Variants in CACTIN observed in about 807,000 individuals in gnomAD.
CACTIN encodes the protein splicing factor Cactin.
Under a neutral mutation model 84.9 loss-of-function variants are expected in CACTIN, and 20 were observed. The ratio of observed to expected loss-of-function variants is 0.24; its 90% CI spans 0.17 to 0.34. The LOEUF (loss-of-function observed/expected upper bound fraction) is 0.34. Ranked by LOEUF, CACTIN falls within the 10% of genes least tolerant of loss-of-function variation. The pLI is 1.00. For synonymous variants in CACTIN, 549 were observed against 467.9 expected (o/e 1.17, Z -2.24); for missense variants, 897 against 1,117.2 (o/e 0.80, Z 2.81).
intron 2 of CACTIN, among the ~76,000 whole-genome samples, chr19:3,621,580 G>A (rs2033225529): frequency 6.6e-6 from 1 of 152,224 alleles, no homozygotes; most frequent in African/African-American, 2.4e-5. Flanking sequence ...CGCTTCCACA[G>A]GCGTCAACGA....
intron 1 of CACTIN, among the ~76,000 whole-genome samples, chr19:3,624,408 C>T (rs977552154): frequency 6.6e-6 from 1 of 152,232 alleles, no homozygotes; most frequent in Non-Finnish European, 1.5e-5. Context: ...GTAGCAATGC[C>T]GAGCACAGGG....
chr19:3,621,250 G>A (rs2145331315), intron 2 of CACTIN, among the ~76,000 whole-genome samples: 1 of 152,344 alleles, frequency 6.6e-6, no homozygotes, highest in East Asian at 1.9e-4. Context: ...AACAGTGAGT[G>A]GGGGCAGCAG....
chr19:3,626,609 T>C lies in CACTIN; in HGVS notation c.154A>G (p.Ser52Gly). 1.3e-6 allele frequency: 2 copies of C among 1,492,734 alleles called. No individual in the cohort carries two copies. Among genetic ancestry groups the C allele is most frequent in the Non-Finnish European group, 1.8e-6 (2 of 1,126,470 alleles). The allele number at this position is 1,492,734 out of a possible 1,614,324, so 92.5% of individuals were successfully genotyped here. The change falls in exon 1 of 10, where the codon AGC (serine) becomes GGC (glycine). Residue 52 changes from serine to glycine, a missense_variant. Ser to Gly is a moderately conservative substitution (Grantham distance 56). Transcript: ENST00000429344. ...DEGRRRRRRR[S>G]RERRSDSEEE... ...CAGCGACCCCACCTGCGCTCCCGGC[T>C]CCGCCGCCTCCGTCTGCGCCGTCCC... is the stretch of plus-strand genomic sequence containing the variant.
chr19:3,620,988 T>G, intron 2 of CACTIN, 186 bp from the exon 3 acceptor site: 1 of 696,302 alleles, frequency 1.4e-6, no homozygotes, highest in East Asian at 2.7e-5. Context: ...AGTGCAGACA[T>G]GGAGCCCCCA....
intron 1 of CACTIN, among the ~76,000 whole-genome samples, chr19:3,624,475 C>A (rs2033293252): frequency 6.6e-6 from 1 of 152,088 alleles, no homozygotes; most frequent in Non-Finnish European, 1.5e-5. Context: ...GACACTGAGC[C>A]AAGGTCTGGA....
chr19:3,613,768 A>C, intron 7 of CACTIN, 182 bp from the exon 8 acceptor site: 1 of 773,546 alleles, frequency 1.3e-6, no homozygotes, highest in Non-Finnish European at 2.0e-6. Flanking sequence ...GGGAGAGAGG[A>C]CGAGAGGACG....
rs1220414098 is a variant in CACTIN, at chr19:3,611,695, C to T, written c.*228G>A. 1 of 621,850 alleles carries T rather than the reference C, an allele frequency of 1.6e-6. No homozygotes were observed. The highest frequency in any genetic ancestry group is 3.0e-5 in the East Asian group (1 of 33,596). 38.5% of individuals were successfully genotyped at this position (621,850 alleles called of 1,614,324 possible). ...GCGCCCCCTCCGTTGCATCAGGACC[C>T]TAGGCCAGCCTGTCCCAGTGTCTCC... On this transcript the variant is annotated 3_prime_UTR_variant, in exon 10 of 10. Transcript: ENST00000429344.
In CACTIN at chr19:3,626,655, G is replaced by A; in HGVS notation, c.108C>T (p.Asn36=). 1 of 1,534,360 alleles carries A rather than the reference G, an allele frequency of 6.5e-7. No individual in the cohort carries two copies. Among genetic ancestry groups the A allele is most frequent in the Non-Finnish European group, 8.7e-7 (1 of 1,149,302 alleles). ...GTCCCTCGTCCTCCCGGCGCCGTCG[G>A]TTTCGCCGCCCATGGCTCCTGCTCC... ...RSRSRSHGRR[N]RRRREDEGRR... is the part of the protein sequence containing the mutation. The change falls in exon 1 of 10, where the codon AAC becomes AAT. Residue 36 remains asparagine (N), a synonymous_variant. Coordinates refer to ENST00000429344, the MANE Select transcript of CACTIN (RefSeq NM_001080543.2).
chr19:3,615,427 GCCCATGCCGAA>G lies in CACTIN; in HGVS notation c.1163-849_1163-839del, dbSNP rs2145319061. ...TCACCTCGCAACCCTGCCCCTTGCT[GCCCATGCCGAA>G]CCCCTGCCACCTCTGGGCCTTTGCA... is the stretch of plus-strand genomic sequence containing the variant. On this transcript the variant is annotated intron_variant, in intron 6 of 9. Transcript: ENST00000429344. The surrounding 1 kb of genome is among the most constrained non-coding windows in gnomAD (Gnocchi z 5.2). 1 of 153,554 alleles carries G rather than the reference GCCCATGCCGAA, an allele frequency of 6.5e-6. No individual in the cohort carries two copies. The highest frequency in any genetic ancestry group is 1.9e-4 in the East Asian group (1 of 5,200). 9.5% of individuals were successfully genotyped at this position (153,554 alleles called of 1,614,324 possible).
Position 3,615,784 on chromosome 19 carries a change from G to C in CACTIN, c.1163-1195C>G, listed in dbSNP as rs1477769079. 1 of 152,116 alleles carries C rather than the reference G, an allele frequency of 6.6e-6. No individual in the cohort carries two copies. Among genetic ancestry groups the C allele is most frequent in the Non-Finnish European group, 1.5e-5 (1 of 68,084 alleles). The allele number at this position is 152,116 out of a possible 1,614,324, so 9.4% of individuals were successfully genotyped here. A position where few individuals can be genotyped will look rare whatever the true frequency, so the allele number is the denominator to read the frequency against. ...CAAGAGGCCCACACCTACACCACAGGGGACTGGATAGAGTCTAGACGGACC... is the reference window on the plus strand; with the variant it reads ...CAAGAGGCCCACACCTACACCACAGCGGACTGGATAGAGTCTAGACGGACC... On this transcript the variant is annotated intron_variant, in intron 6 of 9. Transcript: ENST00000429344. The surrounding 1 kb of genome is among the most constrained non-coding windows in gnomAD (Gnocchi z 5.2).
Position 3,611,825 on chromosome 19 carries a change from C to A in CACTIN, c.*98G>T, listed in dbSNP as rs753873271. ...CCTGAGGTGGGACGTGAACCCGCGG[C>A]CCTGCAGCCCAGACAGCGGCCCCGG... is the stretch of plus-strand genomic sequence containing the variant. On this transcript the variant is annotated 3_prime_UTR_variant, in exon 10 of 10. Coordinates refer to ENST00000429344, the MANE Select transcript of CACTIN (RefSeq NM_001080543.2). The A allele has an allele frequency of 8.8e-6, 13 of 1,471,918 alleles. No individual in the cohort carries two copies. The East Asian group carries it at 2.7e-4, about 30-fold the overall frequency. The allele number at this position is 1,471,918 out of a possible 1,614,324, so 91.2% of individuals were successfully genotyped here.
At chr19:3,618,045 G>C (rs573925473) in intron 6 of CACTIN, among the ~76,000 whole-genome samples, 1 of 152,232 alleles carries the variant, frequency 6.6e-6, no homozygotes, top group Non-Finnish European at 1.5e-5. Context: ...AGGCCTGAGA[G>C]GGAGGGCAGG....
At chr19:3,619,419 G>A (rs1052401783) in intron 4 of CACTIN, among the ~76,000 whole-genome samples, 177 bp from the exon 5 acceptor site, 1 of 152,204 alleles carries the variant, frequency 6.6e-6, no homozygotes, top group African/African-American at 2.4e-5. Flanking sequence ...AGTGAGCCGG[G>A]TCAGCCAAAG....
chr19:3,624,701 C>T (rs891038443), intron 1 of CACTIN, among the ~76,000 whole-genome samples: 4 of 151,932 alleles, frequency 2.6e-5, no homozygotes, highest in Admixed American at 1.3e-4. Context: ...CCAGGGGACC[C>T]GAACACATTT....
At position 3,626,603 on chromosome 19, in the gene CACTIN, C is replaced by G. The variant is rs759881630; in HGVS notation, c.160G>C (p.Glu54Gln). The G allele has an allele frequency of 2.0e-6, 3 of 1,475,344 alleles. No homozygotes were observed. Among genetic ancestry groups the G allele is most frequent in the African/African-American group, 1.5e-5 (1 of 68,390 alleles). The allele number at this position is 1,475,344 out of a possible 1,614,324, so 91.4% of individuals were successfully genotyped here. A position where few individuals can be genotyped will look rare whatever the true frequency, so the allele number is the denominator to read the frequency against. ...CTCCCGCAGCGACCCCACCTGCGCT[C>G]CCGGCTCCGCCGCCTCCGTCTGCGC... Reference protein sequence around the residue: ...GRRRRRRRSRERRSDSEEERW... With the variant: ...GRRRRRRRSRQRRSDSEEERW... The change falls in exon 1 of 10, where the codon GAG (glutamate) becomes CAG (glutamine). Residue 54 changes from glutamate to glutamine, a missense_variant. By Grantham distance (29) the Glu-to-Gln change is conservative. Transcript: ENST00000429344.
At position 3,620,094 on chromosome 19, in the gene CACTIN, C is replaced by G. The variant is rs756304826; in HGVS notation, c.884+33G>C. ...CCAGTGCCCGGCCCTGGCTCCAAGTCTGGGTCGGAGGGAGGGGGAGGCCCC... is the reference window on the plus strand; with the variant it reads ...CCAGTGCCCGGCCCTGGCTCCAAGTGTGGGTCGGAGGGAGGGGGAGGCCCC... On this transcript the variant is annotated intron_variant, in intron 4 of 9. Transcript: ENST00000429344. 4.0e-5 allele frequency: 65 copies of G among 1,604,964 alleles called. 2 individuals carry two copies. In the South Asian group the frequency reaches 5.3e-4, roughly 13 times the overall value.
In CACTIN at chr19:3,626,680, C is replaced by CGACTTCGGCTCCCGCTCT; in HGVS notation, c.65_82dup (p.Gln22_Ser27dup). The CGACTTCGGCTCCCGCTCT allele has an allele frequency of 1.3e-6, 2 of 1,525,156 alleles. No homozygotes were observed. Among genetic ancestry groups the CGACTTCGGCTCCCGCTCT allele is most frequent in the Non-Finnish European group, 8.7e-7 (1 of 1,144,606 alleles). The allele number at this position is 1,525,156 out of a possible 1,614,324, so 94.5% of individuals were successfully genotyped here. A position where few individuals can be genotyped will look rare whatever the true frequency, so the allele number is the denominator to read the frequency against. On this transcript the variant is annotated inframe_insertion, in exon 1 of 10. Transcript: ENST00000429344. ...GTTTCGCCGCCCATGGCTCCTGCTCCGACTTCGGCTCCCGCTCTGACTCTG... is the reference window on the plus strand; with the variant it reads ...GTTTCGCCGCCCATGGCTCCTGCTCCGACTTCGGCTCCCGCTCTGACTTCGGCTCCCGCTCTGACTCTG...
chr19:3,619,128 G>A lies in CACTIN; in HGVS notation c.999C>T (p.Leu333=). The change falls in exon 5 of 10, where the codon CTC becomes CTT. Residue 333 remains leucine, a synonymous_variant. Transcript: ENST00000429344. ...CCATGTCGGCCACGGTGAGGCCGTT[G>A]AGGAACGTGTAGGGCTCATGCATCT... ...AVEMHEPYTF[L]NGLTVADMED... The A allele has an allele frequency of 1.9e-6, 3 of 1,598,032 alleles. No individual in the cohort carries two copies. Among genetic ancestry groups the A allele is most frequent in the Non-Finnish European group, 2.6e-6 (3 of 1,173,024 alleles).
chr19:3,612,804 G>A (rs2032995428), intron 9 of CACTIN: 1 of 704,434 alleles, frequency 1.4e-6, no homozygotes, highest in Non-Finnish European at 2.6e-6. Flanking sequence ...TGCCCAGGGA[G>A]TGCTCGGACA....
Sources: allele counts gnomAD v4.1 joint callset (sites outside exome capture counted in the v4.1 genomes callset), GRCh38; gene constraint gnomAD v4.1.1; non-coding constraint Gnocchi (gnomAD v3.1); transcripts MANE v1.5; gene names NCBI Gene and HGNC (gene_info 2026-07-23, HGNC 2026-07-21).